The following PAX8 variants were observed in gnomAD, a reference collection of about 807,000 sequenced individuals.
PAX8 encodes the protein paired box 8, also known as paired box protein Pax-8.
In PAX8, 15 loss-of-function variants were observed where a neutral mutation model predicts 52.4. The ratio of observed to expected loss-of-function variants is 0.29; its 90% CI spans 0.19 to 0.44. The LOEUF (loss-of-function observed/expected upper bound fraction) is 0.44, where lower values mean the gene tolerates loss of function less well. PAX8 is among the 20% of genes least tolerant of loss of function. The pLI, the probability that PAX8 is intolerant of heterozygous loss-of-function variation, is 1.00. For synonymous variants in PAX8, 284 were observed against 249.7 expected, an observed-to-expected ratio of 1.14 and a Z score of -1.29; for missense variants, 554 against 602.5, an observed-to-expected ratio of 0.92 and a Z score of 0.84.
Position 113,278,816 on chromosome 2 carries a change from C to T in PAX8, c.-76+15G>A. The T allele has an allele frequency of 9.4e-7, 1 of 1,063,774 alleles. No homozygotes were observed. The highest frequency in any genetic ancestry group is 1.1e-6 in the Non-Finnish European group (1 of 873,332). 65.9% of individuals were successfully genotyped at this position (1,063,774 alleles called of 1,614,324 possible). On this transcript the variant is annotated intron_variant, in intron 1 of 11. Coordinates refer to ENST00000429538, the MANE Select transcript of PAX8 (RefSeq NM_003466.4). ...CACTGCTAGCCAGCTTCCAGCTAAC[C>T]CCTGGGTGACATACCTGGCCGGCCG...
At chr2:113,251,241 T>C (rs1691733721) in intron 2 of PAX8, among the ~76,000 whole-genome samples, 1 of 152,136 alleles carries the variant, frequency 6.6e-6, no homozygotes, top group Non-Finnish European at 1.5e-5. Context: ...GGTGCAGACT[T>C]CCTTCCTGCA....
intron 2 of PAX8, among the ~76,000 whole-genome samples, chr2:113,257,545 T>G (rs1332894247): frequency 6.6e-6 from 1 of 152,182 alleles, no homozygotes; most frequent in Non-Finnish European, 1.5e-5. Context: ...GGTGGAAGGC[T>G]TAGCATTATT....
At chr2:113,239,870 G>T (rs1411877179) in intron 7 of PAX8, 1 of 152,172 alleles carries the variant, frequency 6.6e-6, no homozygotes, top group Non-Finnish European at 1.5e-5. Context: ...TCCTTGTCTT[G>T]CTTGGATTAT....
intron 2 of PAX8, among the ~76,000 whole-genome samples, chr2:113,249,489 G>A (rs1691594435): frequency 6.6e-6 from 1 of 152,020 alleles, no homozygotes; most frequent in Non-Finnish European, 1.5e-5. Context: ...TGAAAGCAAG[G>A]TTTCTTAGAG....
chr2:113,242,813 G>C (rs1690973792), intron 4 of PAX8, 35 bp from the exon 5 acceptor site: 158 of 1,466,148 alleles, frequency 1.1e-4, no homozygotes, highest in Non-Finnish European at 1.4e-4. Context: ...TGAGAGAGAA[G>C]AGGAGGAAAG....
chr2:113,250,839 G>A (rs1487858198), intron 2 of PAX8: 1 of 152,204 alleles, frequency 6.6e-6, no homozygotes, highest in Non-Finnish European at 1.5e-5. Context: ...AACCTTTTGG[G>A]GGATATGATA....
intron 8 of PAX8, chr2:113,235,975 C>G (rs1437526900): frequency 4.4e-6 from 1 of 225,450 alleles, no homozygotes; most frequent in African/African-American, 2.4e-5. Flanking sequence ...GAGGCGCGAC[C>G]CCTCGGCCCA....
At position 113,246,813 on chromosome 2, in the gene PAX8, G is replaced by A. The variant is rs1257993391; in HGVS notation, c.132C>T (p.Pro44=). The change falls in exon 3 of 12, where the codon CCC becomes CCT. Residue 44 remains proline (P), a synonymous_variant. Coordinates refer to ENST00000429538, the MANE Select transcript of PAX8 (RefSeq NM_003466.4). ...CGCGGAGCTGGCGAGAGATGTCGCA[G>A]GGCCTTACACCCTGGTGGGCCAGGT... ...IVDLAHQGVR[P]CDISRQLRVS... 1 of 1,614,228 alleles carries A rather than the reference G, an allele frequency of 6.2e-7. No homozygotes were observed. The highest frequency in any genetic ancestry group is 1.3e-5 in the African/African-American group (1 of 75,068).
At chr2:113,226,711 A>G (rs1689600169) in intron 10 of PAX8, 3 of 1,129,886 alleles carry the variant, frequency 2.7e-6, no homozygotes, top group South Asian at 2.5e-5. Context: ...TCAGATTCAG[A>G]TTTTACAGAA....
intron 2 of PAX8, among the ~76,000 whole-genome samples, chr2:113,256,614 G>GTA (rs1692270286): frequency 7.1e-6 from 1 of 141,358 alleles, no homozygotes; most frequent in African/African-American, 2.6e-5. Flanking sequence ...ATATGTGTGT[G>GTA]TGTATATATA....
intron 2 of PAX8, among the ~76,000 whole-genome samples, chr2:113,277,785 A>C (rs1693927908): frequency 6.6e-6 from 1 of 152,108 alleles, no homozygotes; most frequent in African/African-American, 2.4e-5. Flanking sequence ...CTTAGTCCTC[A>C]CCAGCCGGAC....
chr2:113,243,981 T>C (rs1195400784), intron 4 of PAX8, among the ~76,000 whole-genome samples: 1 of 152,160 alleles, frequency 6.6e-6, no homozygotes, highest in Non-Finnish European at 1.5e-5. Context: ...TAGCACAAAA[T>C]GAATGAGTGA....
intron 2 of PAX8, among the ~76,000 whole-genome samples, chr2:113,248,858 C>T (rs946140851): frequency 1.6e-4 from 25 of 151,794 alleles, no homozygotes; most frequent in African/African-American, 3.9e-4. Context: ...CCCAGCTACT[C>T]GGGAGGCTGA....
chr2:113,267,139 A>G (rs1693131114), intron 2 of PAX8: 1 of 152,260 alleles, frequency 6.6e-6, no homozygotes, highest in Non-Finnish European at 1.5e-5. Flanking sequence ...ATTCTGAGCA[A>G]GGACAGAATG....
intron 9 of PAX8, among the ~76,000 whole-genome samples, chr2:113,227,602 C>G (rs968507160): frequency 3.3e-5 from 5 of 152,182 alleles, no homozygotes; most frequent in Admixed American, 2.6e-4. Flanking sequence ...TCTGTTACCC[C>G]CAACAGCAGC....
chr2:113,220,275 C>G, intron 10 of PAX8, 97 bp from the exon 11 acceptor site: 1 of 882,858 alleles, frequency 1.1e-6, no homozygotes, highest in South Asian at 1.4e-5. Flanking sequence ...TGGGCAAGCT[C>G]AGGAATGGTT....
intron 2 of PAX8, among the ~76,000 whole-genome samples, chr2:113,258,548 CT>C (rs1692429109): frequency 6.6e-6 from 1 of 152,214 alleles, no homozygotes; most frequent in Non-Finnish European, 1.5e-5. Flanking sequence ...TCCCCCTTCC[CT>C]GCATAATCTT....
At chr2:113,277,786 C>T (rs1693928114) in intron 2 of PAX8, among the ~76,000 whole-genome samples, 1 of 152,196 alleles carries the variant, frequency 6.6e-6, no homozygotes, top group Admixed American at 6.5e-5. Context: ...TTAGTCCTCA[C>T]CAGCCGGACG....
At chr2:113,218,663 G>C (rs1484891878) in intron 11 of PAX8, 54 bp from the exon 12 acceptor site, 11 of 1,173,396 alleles carry the variant, frequency 9.4e-6, no homozygotes, top group Non-Finnish European at 1.4e-5. Flanking sequence ...AAGGAAAATT[G>C]CACCATAGCC....
Sources: allele counts gnomAD v4.1 joint callset (sites outside exome capture counted in the v4.1 genomes callset), GRCh38; gene constraint gnomAD v4.1.1; transcripts MANE v1.5; gene names NCBI Gene and HGNC (gene_info 2026-07-23, HGNC 2026-07-21).